Variants in MID1 observed in about 807,000 individuals in gnomAD.
MID1 encodes the protein E3 ubiquitin-protein ligase Midline-1.
A neutral mutation model predicts 40.4 loss-of-function variants in MID1; 7 were observed. That is an observed-to-expected ratio of 0.17 (90% CI 0.10 to 0.33). The LOEUF (loss-of-function observed/expected upper bound fraction) is 0.33, where lower values mean the gene tolerates loss of function less well. Among genes scored for constraint, MID1 ranks in the 10% least tolerant of loss-of-function variants. The pLI is 1.00. For synonymous variants in MID1, 229 were observed against 221.2 expected (o/e 1.04, Z -0.31); for missense variants, 367 against 558.5 (o/e 0.66, Z 3.46).
chrX:10,628,660 T>G (rs1014138120), intron 1 of MID1, among the ~76,000 whole-genome samples: 2 of 111,517 alleles, frequency 1.8e-5, no homozygotes, highest in Non-Finnish European at 3.8e-5. Flanking sequence ...GCAAATTAAT[T>G]TAGCCCAATT....
At chrX:10,718,294 T>C (rs1425145328) in intron 1 of MID1, among the ~76,000 whole-genome samples, 1 of 111,213 alleles carries the variant, frequency 9.0e-6, no homozygotes, top group Admixed American at 9.6e-5. Flanking sequence ...ATTGATAGAC[T>C]CCTAGCACGA....
chrX:10,801,786 T>G (rs1460509365), intron 1 of MID1, among the ~76,000 whole-genome samples: 1 of 112,141 alleles, frequency 8.9e-6, no homozygotes, highest in Admixed American at 9.5e-5. Context: ...GACATCAGCT[T>G]TGGCAAATAA....
chrX:10,576,490 T>C (rs5978409), intron 1 of MID1, among the ~76,000 whole-genome samples: 1,380 of 111,105 alleles, frequency 0.012, 24 homozygotes, highest in African/African-American at 0.042. Context: ...AACCTAGTCT[T>C]CCAAATTTAC....
At chrX:10,692,846 C>T (rs1049847943) in intron 1 of MID1, among the ~76,000 whole-genome samples, 17 of 111,448 alleles carry the variant, frequency 1.5e-4, no homozygotes, top group African/African-American at 5.5e-4. Context: ...TTACATGGCT[C>T]ACCTTCAACA....
chrX:10,581,404 A>G (rs780831592), intron 1 of MID1, among the ~76,000 whole-genome samples: 5 of 112,356 alleles, frequency 4.5e-5, no homozygotes, highest in Admixed American at 9.4e-5. Context: ...ATACTCACAG[A>G]TGCTCTTCCT....
intron 1 of MID1, among the ~76,000 whole-genome samples, chrX:10,823,607 C>T (rs891931756): frequency 9.0e-6 from 1 of 111,086 alleles, no homozygotes; most frequent in African/African-American, 3.3e-5. Context: ...TGGACACATA[C>T]AGTTGCATGT....
rs1569089463 is a variant in MID1 at position 10,533,319 on chromosome X, G to GAA, written c.661-10134_661-10133dup. Reference sequence around the variant, plus strand: ...TCTTTTTAATAATCCAAGAAAGAAAGAAAGAAAGGAAAGAAAGAAAGAAAG... The same window carrying GAA: ...TCTTTTTAATAATCCAAGAAAGAAAGAAAAAGAAAGGAAAGAAAGAAAGAAAG... On this transcript the variant is annotated intron_variant, in intron 2 of 9. Coordinates refer to ENST00000317552, the MANE Select transcript of MID1 (RefSeq NM_000381.4). Among the ~76,000 whole-genome samples, 3 of 62,712 alleles carry GAA rather than the reference G, an allele frequency of 4.8e-5. No individual in the cohort carries two copies. In the East Asian group the frequency reaches 1.8e-3, roughly 37 times the overall value. 54.5% of individuals were successfully genotyped at this position (62,712 alleles called of 115,157 possible).
chrX:10,657,844 G>T (rs779560913), intron 1 of MID1, among the ~76,000 whole-genome samples: 1 of 112,134 alleles, frequency 8.9e-6, no homozygotes, highest in Non-Finnish European at 1.9e-5. Context: ...GTAGGCTAAA[G>T]CACAGAGTTT....
chrX:10,482,442 C>A, intron 5 of MID1, 38 bp downstream of exon 5: 1 of 1,199,959 alleles, frequency 8.3e-7, no homozygotes, highest in Admixed American at 2.2e-5. Context: ...ATACAAGAGC[C>A]CAGCAGCCGA....
chrX:10,793,416 T>C (rs1240099955), intron 1 of MID1, among the ~76,000 whole-genome samples: 2 of 112,418 alleles, frequency 1.8e-5, no homozygotes, highest in Non-Finnish European at 3.8e-5. Context: ...GATATCAGCC[T>C]GCACCTCACT....
chrX:10,512,594 TCTATGTGTTG>T (rs1362851705), intron 3 of MID1, among the ~76,000 whole-genome samples: 2 of 111,970 alleles, frequency 1.8e-5, no homozygotes, highest in African/African-American at 6.5e-5. Context: ...TACACTACAG[TCTATGTGTTG>T]CTGTGAAACT....
intron 1 of MID1, among the ~76,000 whole-genome samples, chrX:10,686,645 T>C (rs1237752283): frequency 1.8e-5 from 2 of 111,741 alleles, no homozygotes; most frequent in Non-Finnish European, 3.8e-5. Flanking sequence ...CAGAAACACA[T>C]GCTGAGGTGG....
At chrX:10,555,013 C>T (rs950401723) in intron 2 of MID1, among the ~76,000 whole-genome samples, 3 of 111,960 alleles carry the variant, frequency 2.7e-5, no homozygotes, top group African/African-American at 3.3e-5. Flanking sequence ...ATAGCACTTC[C>T]GCAAGTTTGC....
At chrX:10,777,955 C>T (rs950907108) in intron 1 of MID1, among the ~76,000 whole-genome samples, 13 of 111,541 alleles carry the variant, frequency 1.2e-4, no homozygotes, top group East Asian at 1.1e-3. Flanking sequence ...CAATAACATG[C>T]GTGGTGCTGT....
chrX:10,669,749 T>C (rs1439398069), intron 1 of MID1, among the ~76,000 whole-genome samples: 13 of 112,369 alleles, frequency 1.2e-4, no homozygotes, highest in Non-Finnish European at 2.4e-4. Context: ...AATTCTACAA[T>C]TCCAGAGAGT....
intron 3 of MID1, among the ~76,000 whole-genome samples, chrX:10,497,751 G>A (rs1480739198): frequency 9.0e-6 from 1 of 111,724 alleles, no homozygotes; most frequent in Non-Finnish European, 1.9e-5. Context: ...CACTTGAAAA[G>A]TATCTACTAG....
chrX:10,507,336 C>G (rs1330347731), intron 3 of MID1, among the ~76,000 whole-genome samples: 1 of 111,541 alleles, frequency 9.0e-6, no homozygotes, highest in Non-Finnish European at 1.9e-5. Context: ...GGCAGCCTGC[C>G]AGGTAATGGA....
intron 7 of MID1, among the ~76,000 whole-genome samples, chrX:10,462,881 ATTCCT>A (rs888642037): frequency 9.8e-5 from 11 of 112,150 alleles, no homozygotes; most frequent in Admixed American, 9.5e-4. Flanking sequence ...AGAAGTGAAC[ATTCCT>A]TTCCTTCTCC....
chrX:10,558,560 A>AT (rs747074713), intron 2 of MID1, among the ~76,000 whole-genome samples: 98 of 113,078 alleles, frequency 8.7e-4, no homozygotes, highest in Admixed American at 1.1e-3. Flanking sequence ...CTTATCTCAC[A>AT]TACACATAAT....
Sources: gnomAD v4.1 joint callset for allele counts (sites outside exome capture counted in the v4.1 genomes callset) on GRCh38, gnomAD v4.1.1 for gene constraint, MANE v1.5 for transcripts, NCBI Gene and HGNC (gene_info 2026-07-23, HGNC 2026-07-21) for gene names.